Variants in MAX observed in about 807,000 individuals in gnomAD.
MAX encodes the protein protein max.
MAX carries 3 observed loss-of-function variants against 22.3 expected under a neutral mutation model. The ratio of observed to expected loss-of-function variants is 0.13; its 90% CI spans 0.06 to 0.35. The LOEUF (loss-of-function observed/expected upper bound fraction) is 0.35. Among genes scored for constraint, MAX ranks in the 10% least tolerant of loss-of-function variants. The pLI is 1.00. For synonymous variants in MAX, 72 were observed against 77.7 expected (o/e 0.93, Z 0.39); for missense variants, 119 against 209.4 (o/e 0.57, Z 2.66).
At position 65,084,275 on chromosome 14, in the gene MAX, A is replaced by G; in HGVS notation, c.172-6239T>C. 1 of 1,608,012 alleles carries G rather than the reference A, an allele frequency of 6.2e-7. No homozygotes were observed. ...CTTTGACGATGAAGGACAGGAGTAC[A>G]CAATTTCCAAAAGAGGAAATAGAGC... On this transcript the variant is annotated intron_variant, in intron 3 of 4. Transcript: ENST00000358664. This position sits in a 1 kb window ranked among gnomAD's most constrained non-coding sequence, Gnocchi z 4.3.
chr14:65,012,185 G>GT lies in MAX; in HGVS notation c.172-5902dup, dbSNP rs370568656. ...CTCTTTGGAACCAGAGAAGTTGCTG[G>GT]TTATCCAGTCAGTGATTGCAGGGGG... On this transcript the variant is annotated intron_variant, in intron 3 of 3. Transcript: ENST00000341653. This position sits in a 1 kb window ranked among gnomAD's most constrained non-coding sequence, Gnocchi z 5.0. 4.6e-5 allele frequency: 50 copies of GT among 1,085,878 alleles called. No homozygotes were observed. The African/African-American group carries it at 7.4e-4, about 16-fold the overall frequency. 67.3% of individuals were successfully genotyped at this position (1,085,878 alleles called of 1,614,324 possible).
chr14:65,045,829 C>T lies in MAX; in HGVS notation c.172-39545G>A, dbSNP rs144371016. The stretch of plus-strand genomic sequence containing the variant: ...GTCCCATTTTCCCGGCCTGGGCCCA[C>T]TGGGCTTTAGGTGTCAGTATTAAGG... On this transcript the variant is annotated intron_variant, in intron 3 of 3. Coordinates refer to the MAX transcript ENST00000341653. 1.6e-3 allele frequency among the ~76,000 whole-genome samples: 245 copies of T among 152,306 alleles called. 1 individual carries two copies. Among genetic ancestry groups the T allele is most frequent in the African/African-American group, 5.9e-3 (244 of 41,548 alleles).
At chr14:65,059,858 CAG>C (rs1312862641) in intron 3 of MAX, among the ~76,000 whole-genome samples, 1 of 125,324 alleles carries the variant, frequency 8.0e-6, no homozygotes, top group Non-Finnish European at 1.6e-5. Flanking sequence ...TTTTTTGAGA[CAG>C]AGTCTCGCTG....
At position 65,101,563 on chromosome 14, in the gene MAX, G is replaced by T. The variant is rs751344230; in HGVS notation, c.46C>A (p.Pro16Thr). 4.4e-6 allele frequency: 7 copies of T among 1,608,274 alleles called. No homozygotes were observed. The South Asian group carries it at 6.6e-5, about 15-fold the overall frequency. ...DIEVESDEEQ[P>T]RFQSAADKRA... ...AGACGTACCGCAGATTGAAACCTCG[G>T]TTGCTCTTCCTGGAATAAGAGAGAA... The change falls in exon 2 of 5, where the codon CCG becomes ACG. Residue 16 changes from proline (P) to threonine (T), a missense_variant. Coordinates refer to ENST00000358664, the MANE Select transcript of MAX (RefSeq NM_002382.5).
At chr14:65,040,320 C>T (rs892608332) in intron 3 of MAX, among the ~76,000 whole-genome samples, 1 of 145,546 alleles carries the variant, frequency 6.9e-6, no homozygotes, top group Non-Finnish European at 1.5e-5. Context: ...TATATATGTA[C>T]ATATATGTAT....
downstream of MAX, among the ~76,000 whole-genome samples, chr14:65,071,462 A>T (rs967521148): frequency 1.3e-5 from 2 of 152,166 alleles, no homozygotes; most frequent in East Asian, 3.8e-4. The surrounding 1 kb of genome is among the most constrained non-coding windows in gnomAD (Gnocchi z 4.2). Flanking sequence ...CATTTTAACA[A>T]AACTAAAAAA....
rs2063052523 is a variant in MAX, at chr14:65,076,271, T to A, written c.*205A>T. On this transcript the variant is annotated 3_prime_UTR_variant, in exon 5 of 5. Transcript: ENST00000358664. This position sits in a 1 kb window ranked among gnomAD's most constrained non-coding sequence, Gnocchi z 6.6. ...ACAGGGAATCCCTGAAGGGAATACA[T>A]TAAAAAATATACAGTGGAAATGGGG... 6.9e-7 allele frequency: 1 copy of A among 1,440,818 alleles called. No homozygotes were observed. The highest frequency in any genetic ancestry group is 9.1e-7 in the Non-Finnish European group (1 of 1,103,624). The allele number at this position is 1,440,818 out of a possible 1,614,324, so 89.3% of individuals were successfully genotyped here.
intron 3 of MAX, among the ~76,000 whole-genome samples, chr14:65,017,567 A>G (rs1265105548): frequency 2.0e-5 from 3 of 152,202 alleles, no homozygotes; most frequent in East Asian, 1.9e-4. Flanking sequence ...TTCTGGGGCA[A>G]TGTCACATAG....
chr14:65,008,137 G>A (rs1208722266), intron 3 of MAX, among the ~76,000 whole-genome samples: 1 of 152,174 alleles, frequency 6.6e-6, no homozygotes. Flanking sequence ...TTCCTCGATT[G>A]CTTTATTGCT....
chr14:65,076,602 G>T lies in MAX; in HGVS notation c.357C>A (p.Asp119Glu), dbSNP rs1175991420. 1 of 1,614,054 alleles carries T rather than the reference G, an allele frequency of 6.2e-7. No individual in the cohort carries two copies. The highest frequency in any genetic ancestry group is 8.5e-7 in the Non-Finnish European group (1 of 1,180,036). Reference protein sequence around the residue: ...AQLQTNYPSSDNSLYTNAKGS... With the variant: ...AQLQTNYPSSENSLYTNAKGS... Reference sequence around the variant, plus strand: ...CCTTGGCGTTGGTGTAGAGGCTGTTGTCTGAGGAGGGGTAGTTGGTCTGCA... The same window carrying T: ...CCTTGGCGTTGGTGTAGAGGCTGTTTTCTGAGGAGGGGTAGTTGGTCTGCA... The change falls in exon 5 of 5, where the codon GAC becomes GAA. Residue 119 changes from aspartate (D) to glutamate (E), a missense_variant. Coordinates refer to ENST00000358664, the MANE Select transcript of MAX (RefSeq NM_002382.5). This position sits in a 1 kb window ranked among gnomAD's most constrained non-coding sequence, Gnocchi z 6.6.
Position 65,027,515 on chromosome 14 carries a change from A to G in MAX, c.172-21231T>C. ...GGTGGCTTTGGAGGAGGACCCGGTC[A>G]GTATCCACACCTTGCACCCACATAT... On this transcript the variant is annotated intron_variant, in intron 3 of 3. Transcript: ENST00000341653. This position sits in a 1 kb window ranked among gnomAD's most constrained non-coding sequence, Gnocchi z 5.7. 6.2e-7 allele frequency: 1 copy of G among 1,614,214 alleles called. No individual in the cohort carries two copies. Among genetic ancestry groups the G allele is most frequent in the Non-Finnish European group, 8.5e-7 (1 of 1,180,040 alleles).
chr14:65,032,053 T>C lies in MAX; in HGVS notation c.172-25769A>G, dbSNP rs1160250447. Among the ~76,000 whole-genome samples the C allele has an allele frequency of 6.6e-6, 1 of 151,734 alleles. No homozygotes were observed. Among genetic ancestry groups the C allele is most frequent in the Non-Finnish European group, 1.5e-5 (1 of 67,990 alleles). ...GAGGTTTGAAATCAAGGCTCTTTTC[T>C]CCCTCTAGAGGTTTAAGGACTGTAT... On this transcript the variant is annotated intron_variant, in intron 3 of 3. Coordinates refer to the MAX transcript ENST00000341653. This position sits in a 1 kb window ranked among gnomAD's most constrained non-coding sequence, Gnocchi z 5.0.
At chr14:65,042,675 C>CA (rs1849922597) in intron 3 of MAX, among the ~76,000 whole-genome samples, 1 of 152,194 alleles carries the variant, frequency 6.6e-6, no homozygotes, top group Non-Finnish European at 1.5e-5. Context: ...AAGTAGGACC[C>CA]ATATCTGAAG....
At chr14:65,102,169 G>C in intron 1 of MAX, 135 bp downstream of exon 1, 10 of 1,494,830 alleles carry the variant, frequency 6.7e-6, no homozygotes, top group Non-Finnish European at 8.2e-6. Context: ...ACGCGACGGA[G>C]GCACTCCTGG....
intron 3 of MAX, among the ~76,000 whole-genome samples, chr14:65,064,935 C>G (rs149386044): frequency 6.6e-6 from 1 of 152,378 alleles, no homozygotes; most frequent in East Asian, 1.9e-4. Flanking sequence ...GCTTGATGCC[C>G]TCCTACCTCC....
chr14:65,068,931 G>C (rs937009355), intron 3 of MAX, among the ~76,000 whole-genome samples: 1 of 152,184 alleles, frequency 6.6e-6, no homozygotes, highest in African/African-American at 2.4e-5. Flanking sequence ...GCAAGGGGAG[G>C]CTGGGCCCTC....
chr14:65,035,943 C>T (rs750685990), intron 3 of MAX, among the ~76,000 whole-genome samples: 13 of 150,030 alleles, frequency 8.7e-5, no homozygotes, highest in African/African-American at 1.7e-4. Flanking sequence ...GCAGTCTTCC[C>T]ACCTCAGCCT....
chr14:65,102,124 G>A (rs976466086), intron 1 of MAX, among the ~76,000 whole-genome samples, 180 bp downstream of exon 1: 1 of 152,142 alleles, frequency 6.6e-6, no homozygotes, highest in Non-Finnish European at 1.5e-5. Context: ...CCAGGAGGCC[G>A]CTCCGGCCAG....
At chr14:65,086,292 G>GA (rs1282220350) in intron 3 of MAX, among the ~76,000 whole-genome samples, 2 of 152,196 alleles carry the variant, frequency 1.3e-5, no homozygotes, top group African/African-American at 2.4e-5. Flanking sequence ...GGGCACTGCT[G>GA]AAAAGATACC....
Sources: allele counts gnomAD v4.1 joint callset (sites outside exome capture counted in the v4.1 genomes callset), GRCh38; gene constraint gnomAD v4.1.1; non-coding constraint Gnocchi (gnomAD v3.1); transcripts MANE v1.5; gene names NCBI Gene and HGNC (gene_info 2026-07-23, HGNC 2026-07-21).